DLGAP1: variants seen among roughly 807,000 people sequenced by gnomAD.
The protein encoded by DLGAP1 is disks large-associated protein 1.
DLGAP1 carries 11 observed loss-of-function variants against 90.8 expected under a neutral mutation model. That is an observed-to-expected ratio of 0.12 (90% CI 0.08 to 0.20). The LOEUF is 0.20. Ranked by LOEUF, DLGAP1 falls within the 10% of genes least tolerant of loss-of-function variation. DLGAP1 has a pLI of 1.00. For missense variants in DLGAP1, 1,050 were observed against 1,333.8 expected, an observed-to-expected ratio of 0.79 and a Z score of 3.31; for synonymous variants, 558 against 540.7, an observed-to-expected ratio of 1.03 and a Z score of -0.44.
intron 1 of DLGAP1, among the ~76,000 whole-genome samples, chr18:4,385,898 A>C (rs2082220631): frequency 6.6e-6 from 1 of 152,184 alleles, no homozygotes. Context: ...ACTTTTGTAG[A>C]GAATATGAAC....
chr18:4,171,074 A>G (rs2077015761), intron 1 of DLGAP1, among the ~76,000 whole-genome samples: 2 of 139,148 alleles, frequency 1.4e-5, no homozygotes, highest in Admixed American at 1.5e-4. Context: ...TCCAGTAATC[A>G]TTTTCTATAT....
At chr18:3,943,860 G>C (rs2072822374) in intron 3 of DLGAP1, among the ~76,000 whole-genome samples, 1 of 152,098 alleles carries the variant, frequency 6.6e-6, no homozygotes, top group Admixed American at 6.6e-5. Flanking sequence ...TAGAAGAAGA[G>C]GAGATTAGGA....
At chr18:3,887,155 A>C (rs73940249) in intron 3 of DLGAP1, among the ~76,000 whole-genome samples, 1 of 152,130 alleles carries the variant, frequency 6.6e-6, no homozygotes, top group Non-Finnish European at 1.5e-5. Flanking sequence ...CCACGTGACA[A>C]CTTTAGCCAA....
chr18:4,331,516 T>C (rs1259323147), intron 1 of DLGAP1, among the ~76,000 whole-genome samples: 1 of 151,780 alleles, frequency 6.6e-6, no homozygotes, highest in Non-Finnish European at 1.5e-5. Flanking sequence ...TAACCCACCT[T>C]CATGCCATTT....
At chr18:3,522,525 T>C (rs1046806175) in intron 10 of DLGAP1, among the ~76,000 whole-genome samples, 4 of 148,598 alleles carry the variant, frequency 2.7e-5, no homozygotes, top group Non-Finnish European at 5.9e-5. Flanking sequence ...CCACTTACTT[T>C]AAAGACACGT....
intron 2 of DLGAP1, among the ~76,000 whole-genome samples, chr18:4,146,912 G>T (rs1002847644): frequency 1.3e-5 from 2 of 152,084 alleles, no homozygotes; most frequent in Non-Finnish European, 1.5e-5. Flanking sequence ...CTAAAAGTAG[G>T]CATTGAGCCC....
At chr18:4,434,595 T>C (rs1421131535) in intron 1 of DLGAP1, among the ~76,000 whole-genome samples, 3 of 152,218 alleles carry the variant, frequency 2.0e-5, no homozygotes, top group South Asian at 2.1e-4. Context: ...AACTCTCAAC[T>C]CCTCTGGAGG....
At chr18:4,161,822 G>T (rs964254448) in intron 1 of DLGAP1, among the ~76,000 whole-genome samples, 1 of 152,138 alleles carries the variant, frequency 6.6e-6, no homozygotes, top group Non-Finnish European at 1.5e-5. Flanking sequence ...AAGGTTGATG[G>T]AAGTTTATCA....
intron 2 of DLGAP1, among the ~76,000 whole-genome samples, chr18:4,096,280 C>T (rs200872816): frequency 1.3e-5 from 2 of 152,156 alleles, no homozygotes; most frequent in East Asian, 3.9e-4. Flanking sequence ...CCACCTCGGC[C>T]TCCCAAAGTG....
intron 4 of DLGAP1, among the ~76,000 whole-genome samples, chr18:3,833,358 T>C (rs1452922802): frequency 1.3e-5 from 2 of 151,884 alleles, no homozygotes; most frequent in Non-Finnish European, 2.9e-5. Flanking sequence ...TTCAGCCTCC[T>C]GAGTAGCTAG....
chr18:3,589,011 G>A (rs1018630507), intron 7 of DLGAP1, among the ~76,000 whole-genome samples: 16 of 151,552 alleles, frequency 1.1e-4, no homozygotes, highest in African/African-American at 3.6e-4. Context: ...GTGAAACCCC[G>A]TCTCTACTAA....
chr18:3,924,950 T>C lies in DLGAP1; in HGVS notation c.-72-44810A>G, dbSNP rs2072347845. ...AGTAGCATTACTTTATAAAAGTCAG[T>C]TTTTGTTGCATTTTTTTTTGGAGAC... On this transcript the variant is annotated intron_variant, in intron 3 of 12. Coordinates refer to ENST00000315677, the MANE Select transcript of DLGAP1 (RefSeq NM_004746.4). Among the ~76,000 whole-genome samples, 3 of 152,060 alleles carry C rather than the reference T, an allele frequency of 2.0e-5. No individual in the cohort carries two copies. In the South Asian group the frequency reaches 6.2e-4, roughly 32 times the overall value.
chr18:4,433,678 T>G (rs1000780951), intron 1 of DLGAP1, among the ~76,000 whole-genome samples: 4 of 152,208 alleles, frequency 2.6e-5, no homozygotes, highest in Non-Finnish European at 5.9e-5. Context: ...CTTATCACTT[T>G]GACTCATTTA....
chr18:3,662,723 G>C, intron 7 of DLGAP1, among the ~76,000 whole-genome samples: 1 of 152,208 alleles, frequency 6.6e-6, no homozygotes, highest in Non-Finnish European at 1.5e-5. Flanking sequence ...AGCAGGACTC[G>C]GCCCTCCAGC....
intron 1 of DLGAP1, among the ~76,000 whole-genome samples, chr18:4,226,760 T>G (rs773122034): frequency 1.4e-5 from 2 of 147,646 alleles, no homozygotes; most frequent in African/African-American, 4.9e-5. Context: ...GAAAATGACC[T>G]TCACTAAAAG....
chr18:4,281,716 C>A (rs1231334758), intron 1 of DLGAP1, among the ~76,000 whole-genome samples: 9 of 152,048 alleles, frequency 5.9e-5, no homozygotes, highest in Admixed American at 5.9e-4. Context: ...TCAGGCTTTC[C>A]CTCAAAAATA....
At chr18:3,823,949 C>CAAAAA (rs60286806) in intron 4 of DLGAP1, among the ~76,000 whole-genome samples, 23 of 36,560 alleles carry the variant, frequency 6.3e-4, no homozygotes, top group Non-Finnish European at 7.2e-4. Flanking sequence ...GACTCCCTCT[C>CAAAAA]AAAAAAAAAA....
rs115667750 is a variant in DLGAP1 at position 3,703,826 on chromosome 18, C to T, written c.1591+25309G>A. Reference sequence around the variant, plus strand: ...TCCCCTATGAACACACCTCAGCAGCCGCCAGAGGGAGACTTTCCACACACG... The same window carrying T: ...TCCCCTATGAACACACCTCAGCAGCTGCCAGAGGGAGACTTTCCACACACG... On this transcript the variant is annotated intron_variant, in intron 7 of 12. Transcript: ENST00000315677. 4.3e-3 allele frequency among the ~76,000 whole-genome samples: 658 copies of T among 152,190 alleles called. 11 individuals are homozygous for T. Among genetic ancestry groups the T allele is most frequent in the African/African-American group, 0.015 (636 of 41,504 alleles).
rs571951672 is a variant in DLGAP1, at chr18:4,044,481, G to A, written c.-158-39280C>T. 3.3e-5 allele frequency among the ~76,000 whole-genome samples: 5 copies of A among 152,270 alleles called. No individual in the cohort carries two copies. In the South Asian group the frequency reaches 8.3e-4, roughly 25 times the overall value. Reference sequence around the variant, plus strand: ...ATCCCGGCCAGGCATGGTGGCTCACGCCTGTAATCCCAGCACTTTGGGAGG... The same window carrying A: ...ATCCCGGCCAGGCATGGTGGCTCACACCTGTAATCCCAGCACTTTGGGAGG... On this transcript the variant is annotated intron_variant, in intron 2 of 12. Coordinates refer to ENST00000315677, the MANE Select transcript of DLGAP1 (RefSeq NM_004746.4).
Sources: allele counts gnomAD v4.1 joint callset (sites outside exome capture counted in the v4.1 genomes callset), GRCh38; gene constraint gnomAD v4.1.1; transcripts MANE v1.5; gene names NCBI Gene and HGNC (gene_info 2026-07-23, HGNC 2026-07-21).